The following FHIT variants were observed in gnomAD, a reference collection of about 807,000 sequenced individuals.
The protein encoded by FHIT is bis(5'-adenosyl)-triphosphatase.
Under a neutral mutation model 17.9 loss-of-function variants are expected in FHIT, and 19 were observed. The ratio of observed to expected loss-of-function variants is 1.06; its 90% CI spans 0.74 to 1.56. The LOEUF is 1.56. Among genes scored for constraint, FHIT ranks in the 40% most tolerant of loss-of-function variants. The pLI is 0.00. For synonymous variants in FHIT, 81 were observed against 69.7 expected (o/e 1.16, Z -0.81); for missense variants, 248 against 189.2 (o/e 1.31, Z -1.82).
At chr3:60,385,637 T>G (rs551915279) in intron 5 of FHIT, among the ~76,000 whole-genome samples, 42 of 152,302 alleles carry the variant, frequency 2.8e-4, no homozygotes, top group African/African-American at 9.6e-4. Context: ...TAGAGTGCAG[T>G]TGCACGATCA....
At chr3:60,196,561 G>A (rs1404576489) in intron 5 of FHIT, among the ~76,000 whole-genome samples, 9 of 152,046 alleles carry the variant, frequency 5.9e-5, no homozygotes, top group Admixed American at 5.9e-4. Flanking sequence ...AACATTCACA[G>A]GTGTTGGGGA....
intron 4 of FHIT, among the ~76,000 whole-genome samples, chr3:60,570,452 G>C (rs920163276): frequency 6.6e-6 from 1 of 152,060 alleles, no homozygotes; most frequent in Non-Finnish European, 1.5e-5. Flanking sequence ...GTAGGAAAGG[G>C]ATCAGGAGGA....
intron 2 of FHIT, among the ~76,000 whole-genome samples, chr3:61,068,121 G>T (rs182452412): frequency 6.6e-6 from 1 of 152,100 alleles, no homozygotes; most frequent in Non-Finnish European, 1.5e-5. Flanking sequence ...TCCGAATAAA[G>T]CCAGAACAAA....
rs560566408 is a variant in FHIT at position 60,893,290 on chromosome 3, T to G, written c.-110-71279A>C. Among the ~76,000 whole-genome samples the G allele has an allele frequency of 3.3e-5, 5 of 152,332 alleles. No individual in the cohort carries two copies. In the South Asian group the frequency reaches 1.0e-3, roughly 32 times the overall value. ...TTTCCACTCTTCATCAAACCTAGTA[T>G]AAAAGCACTCAGGTTTAACTGATTC... On this transcript the variant is annotated intron_variant, in intron 3 of 9. Coordinates refer to ENST00000492590, the MANE Select transcript of FHIT (RefSeq NM_002012.4).
At chr3:59,898,557 C>A (rs532598809) in intron 8 of FHIT, among the ~76,000 whole-genome samples, 1 of 152,164 alleles carries the variant, frequency 6.6e-6, no homozygotes, top group South Asian at 2.1e-4. Context: ...CAATTTTAGT[C>A]CCATATTTGG....
At chr3:60,151,169 A>G (rs1244399881) in intron 5 of FHIT, among the ~76,000 whole-genome samples, 2 of 152,270 alleles carry the variant, frequency 1.3e-5, no homozygotes, top group Admixed American at 6.5e-5. Context: ...AATTCTGTCA[A>G]TTTCCTACCC....
chr3:60,660,237 C>G (rs2107822500), intron 4 of FHIT, among the ~76,000 whole-genome samples: 1 of 152,270 alleles, frequency 6.6e-6, no homozygotes, highest in African/African-American at 2.4e-5. Flanking sequence ...GGAAATGCAA[C>G]AACAATGGCC....
intron 5 of FHIT, among the ~76,000 whole-genome samples, chr3:60,261,019 A>G (rs984111087): frequency 2.0e-5 from 3 of 152,068 alleles, no homozygotes; most frequent in Admixed American, 6.6e-5. Context: ...CATTCCCGGG[A>G]AAGTCATGAA....
chr3:59,774,072 C>T (rs1241791103), intron 8 of FHIT, among the ~76,000 whole-genome samples: 1 of 151,848 alleles, frequency 6.6e-6, no homozygotes, highest in Non-Finnish European at 1.5e-5. Flanking sequence ...ATGTGTGGTT[C>T]CCATTATGTT....
chr3:60,760,747 T>G (rs1174101243), intron 4 of FHIT, among the ~76,000 whole-genome samples: 8 of 152,072 alleles, frequency 5.3e-5, no homozygotes, highest in Non-Finnish European at 1.0e-4. Flanking sequence ...TATGAAGAAA[T>G]TCCAAATGTT....
intron 3 of FHIT, among the ~76,000 whole-genome samples, chr3:60,916,076 T>C (rs1438207050): frequency 1.3e-5 from 2 of 152,200 alleles, no homozygotes; most frequent in Non-Finnish European, 2.9e-5. Context: ...TGGTTCTGTA[T>C]AGACCCATTT....
At chr3:60,668,935 G>A (rs2107838906) in intron 4 of FHIT, among the ~76,000 whole-genome samples, 1 of 152,148 alleles carries the variant, frequency 6.6e-6, no homozygotes, top group South Asian at 2.1e-4. Context: ...GTTCTTAGCA[G>A]GAAAAAGCAG....
At chr3:61,081,267 A>C (rs1178046737) in intron 2 of FHIT, among the ~76,000 whole-genome samples, 3 of 152,048 alleles carry the variant, frequency 2.0e-5, no homozygotes. Flanking sequence ...CATGTTACCT[A>C]CTCACACCAA....
At chr3:60,407,120 T>G (rs536179332) in intron 5 of FHIT, among the ~76,000 whole-genome samples, 5 of 150,940 alleles carry the variant, frequency 3.3e-5, no homozygotes, top group African/African-American at 1.2e-4. Flanking sequence ...AATCTACTTT[T>G]GTTTGCTTAT....
chr3:60,480,585 T>A (rs1246827693), intron 5 of FHIT, among the ~76,000 whole-genome samples: 2 of 152,146 alleles, frequency 1.3e-5, no homozygotes, highest in African/African-American at 2.4e-5. Flanking sequence ...AATGTTCCCA[T>A]TACAAATGAG....
At chr3:59,750,163 GACAAA>G (rs1012913273) in intron 9 of FHIT, 21 of 226,542 alleles carry the variant, frequency 9.3e-5, no homozygotes, top group South Asian at 1.8e-4. Flanking sequence ...AGCAAAAACT[GACAAA>G]ACAAAGCCTA....
intron 4 of FHIT, among the ~76,000 whole-genome samples, chr3:60,758,480 A>G (rs1337285678): frequency 6.6e-6 from 1 of 152,212 alleles, no homozygotes; most frequent in African/African-American, 2.4e-5. Context: ...TTGAGTTCAT[A>G]TAACTCAAAA....
chr3:60,046,369 T>C (rs896529888), intron 5 of FHIT, among the ~76,000 whole-genome samples: 9 of 152,188 alleles, frequency 5.9e-5, no homozygotes, highest in Non-Finnish European at 1.3e-4. Context: ...GCTGCGTCTG[T>C]CAATGGAATA....
At chr3:60,429,174 A>C (rs886613767) in intron 5 of FHIT, among the ~76,000 whole-genome samples, 4 of 152,004 alleles carry the variant, frequency 2.6e-5, no homozygotes, top group African/African-American at 7.2e-5. Context: ...CATTCATAAA[A>C]ATTTTGGTCT....
Sources: allele counts gnomAD v4.1 joint callset (sites outside exome capture counted in the v4.1 genomes callset), GRCh38; gene constraint gnomAD v4.1.1; transcripts MANE v1.5; gene names NCBI Gene and HGNC (gene_info 2026-07-23, HGNC 2026-07-21).